PCDH15: variants seen among roughly 807,000 people sequenced by gnomAD.
PCDH15 encodes the protein protocadherin-15.
PCDH15 carries 129 observed loss-of-function variants against 178.5 expected under a neutral mutation model. The ratio of observed to expected loss-of-function variants is 0.72; its 90% CI spans 0.63 to 0.84. The LOEUF (loss-of-function observed/expected upper bound fraction) is 0.84, where lower values mean the gene tolerates loss of function less well. PCDH15 is among the 40% of genes least tolerant of loss of function. The pLI, the probability that PCDH15 is intolerant of heterozygous loss-of-function variation, is 0.00. For synonymous variants in PCDH15, 800 were observed against 732.0 expected, an observed-to-expected ratio of 1.09 and a Z score of -1.50; for missense variants, 2,230 against 2,099.9, an observed-to-expected ratio of 1.06 and a Z score of -1.21.
chr10:54,488,645 A>C (rs898338332), intron 3 of PCDH15, among the ~76,000 whole-genome samples: 2 of 152,012 alleles, frequency 1.3e-5, no homozygotes, highest in African/African-American at 4.8e-5. Context: ...TATGAAAAGA[A>C]AGATAATGCA....
chr10:54,449,440 C>T lies in PCDH15; in HGVS notation c.158-70498G>A, dbSNP rs1015460072. On this transcript the variant is annotated intron_variant, in intron 3 of 37. Transcript: ENST00000644397. ...CCACACACAGTTTTCTTGCTTGCTT[C>T]TGGTAAATATAACCTTCTCTATCCA... is the stretch of plus-strand genomic sequence containing the variant. 5.5e-4 allele frequency among the ~76,000 whole-genome samples: 83 copies of T among 151,672 alleles called. No individual in the cohort carries two copies. The Admixed American group carries it at 5.5e-3, about 10-fold the overall frequency.
At chr10:54,525,606 G>A (rs761210263) in intron 3 of PCDH15, among the ~76,000 whole-genome samples, 2 of 152,098 alleles carry the variant, frequency 1.3e-5, no homozygotes, top group Non-Finnish European at 2.9e-5. Flanking sequence ...CTGTGAGTGT[G>A]TGCCACCACA....
intron 18 of PCDH15, among the ~76,000 whole-genome samples, chr10:54,054,835 G>A (rs1408410883): frequency 6.6e-6 from 1 of 151,844 alleles, no homozygotes; most frequent in Non-Finnish European, 1.5e-5. Flanking sequence ...TTCTTTATCA[G>A]AATGAGTTAC....
chr10:54,330,169 C>CAA (rs3069757), intron 6 of PCDH15, among the ~76,000 whole-genome samples: 4 of 150,234 alleles, frequency 2.7e-5, no homozygotes, highest in Admixed American at 1.3e-4. Context: ...GCATTAAATA[C>CAA]AAAAAAAAAA....
chr10:54,159,669 A>G (rs540172268), intron 13 of PCDH15, among the ~76,000 whole-genome samples: 2 of 152,300 alleles, frequency 1.3e-5, no homozygotes, highest in Non-Finnish European at 2.9e-5. Context: ...TTGAGATACC[A>G]TGTAATCATT....
At chr10:54,038,769 C>A (rs1011787631) in intron 18 of PCDH15, among the ~76,000 whole-genome samples, 11 of 151,948 alleles carry the variant, frequency 7.2e-5, no homozygotes, top group Non-Finnish European at 1.3e-4. Context: ...CATAACAAGC[C>A]TCTATCTTGG....
intron 5 of PCDH15, among the ~76,000 whole-genome samples, chr10:54,364,282 T>C (rs892188000): frequency 6.6e-6 from 1 of 152,222 alleles, no homozygotes. Context: ...ATTTTTTTTT[T>C]CTGTAAATAC....
chr10:55,283,650 G>T (rs1415676464), intron 1 of PCDH15, among the ~76,000 whole-genome samples: 1 of 150,166 alleles, frequency 6.7e-6, no homozygotes, highest in Non-Finnish European at 1.5e-5. Context: ...TAAGTACTTG[G>T]TATAGAGCTT....
intron 29 of PCDH15, among the ~76,000 whole-genome samples, chr10:53,833,097 AG>A (rs2077107488): frequency 2.6e-5 from 4 of 152,188 alleles, no homozygotes; most frequent in Middle Eastern, 3.4e-3. Flanking sequence ...TATTAGATAA[AG>A]GAAGAGATTC....
chr10:54,475,595 T>C (rs1272493888), intron 3 of PCDH15, among the ~76,000 whole-genome samples: 1 of 151,994 alleles, frequency 6.6e-6, no homozygotes. Flanking sequence ...TATTATATTT[T>C]TTTCTGAAAT....
chr10:54,946,153 G>T (rs1029754783), intron 2 of PCDH15, among the ~76,000 whole-genome samples: 6 of 151,814 alleles, frequency 4.0e-5, no homozygotes, highest in Admixed American at 1.3e-4. Flanking sequence ...AATGACCAAA[G>T]ACTTCATAGA....
chr10:55,582,017 T>G (rs1161769028), intron 2 of PCDH15, among the ~76,000 whole-genome samples: 1 of 152,124 alleles, frequency 6.6e-6, no homozygotes, highest in Non-Finnish European at 1.5e-5. Context: ...TGGAATGTAA[T>G]TGGGGAATCC....
At position 54,887,997 on chromosome 10, in the gene PCDH15, G is replaced by C. The variant is rs563897397; in HGVS notation, c.-29+9453C>G. Among the ~76,000 whole-genome samples the C allele has an allele frequency of 3.1e-3, 475 of 152,108 alleles. 3 individuals carry two copies. Among genetic ancestry groups the C allele is most frequent in the Admixed American group, 8.8e-3 (135 of 15,256 alleles). Reference sequence around the variant, plus strand: ...TTTGCTGATGTCTCTGACTCTAAAGGCTGTCCACAATGAGTATTTTTTAAA... The same window carrying C: ...TTTGCTGATGTCTCTGACTCTAAAGCCTGTCCACAATGAGTATTTTTTAAA... On this transcript the variant is annotated intron_variant, in intron 3 of 5. Coordinates refer to the PCDH15 transcript ENST00000458638.
chr10:54,619,685 C>A (rs1740940887), intron 2 of PCDH15, among the ~76,000 whole-genome samples: 1 of 151,974 alleles, frequency 6.6e-6, no homozygotes, highest in Admixed American at 6.6e-5. Context: ...TAGCTTCCAC[C>A]ATTACTGCTA....
intron 1 of PCDH15, among the ~76,000 whole-genome samples, chr10:54,738,967 G>GGA (rs1944449680): frequency 6.6e-6 from 1 of 151,944 alleles, no homozygotes; most frequent in Non-Finnish European, 1.5e-5. Flanking sequence ...TACTGAATGG[G>GGA]AAAACATTGA....
intron 2 of PCDH15, among the ~76,000 whole-genome samples, chr10:55,337,736 A>G (rs1057392285): frequency 6.6e-6 from 1 of 152,204 alleles, no homozygotes; most frequent in Non-Finnish European, 1.5e-5. Flanking sequence ...ACATTTATCA[A>G]TGAGATTAGT....
chr10:53,908,063 C>A (rs1246407252), intron 25 of PCDH15, among the ~76,000 whole-genome samples: 1 of 152,116 alleles, frequency 6.6e-6, no homozygotes, highest in Non-Finnish European at 1.5e-5. Context: ...CAAAGAAAGC[C>A]TTACTGAATA....
At chr10:55,214,473 GGAATTA>G (rs1282237923) in intron 1 of PCDH15, among the ~76,000 whole-genome samples, 2 of 150,996 alleles carry the variant, frequency 1.3e-5, no homozygotes, top group Non-Finnish European at 2.9e-5. Flanking sequence ...TTGTCCTGGT[GGAATTA>G]GAACTTTTAT....
rs149567840 is a variant in PCDH15, at chr10:53,871,332, C to T, written c.3502-4475G>A. Among the ~76,000 whole-genome samples, 6 of 152,034 alleles carry T rather than the reference C, an allele frequency of 3.9e-5. No individual in the cohort carries two copies. In the East Asian group the frequency reaches 7.8e-4, roughly 20 times the overall value. On this transcript the variant is annotated intron_variant, in intron 26 of 37. Coordinates refer to ENST00000644397, the MANE Select transcript of PCDH15 (RefSeq NM_001384140.1). Reference sequence around the variant, plus strand: ...CTCCAGCCTGGGTGACAGAGCGAGACGTCGTCTCAAAAAAACAAAACAACA... The same window carrying T: ...CTCCAGCCTGGGTGACAGAGCGAGATGTCGTCTCAAAAAAACAAAACAACA...
Sources: allele counts gnomAD v4.1 joint callset (sites outside exome capture counted in the v4.1 genomes callset), GRCh38; gene constraint gnomAD v4.1.1; transcripts MANE v1.5; gene names NCBI Gene and HGNC (gene_info 2026-07-23, HGNC 2026-07-21).